The following CIMAP2 variants were observed in gnomAD, a reference collection of about 807,000 sequenced individuals.
The protein encoded by CIMAP2 is ciliary microtubule-associated protein 2.
the CIMAP2 span, among the ~76,000 whole-genome samples, chr1:54,823,409 G>T: frequency 6.6e-6 from 1 of 150,626 alleles, no homozygotes; most frequent in Admixed American, 6.6e-5. Flanking sequence ...CACTATTTTG[G>T]TTTCCATTTT....
the CIMAP2 span, among the ~76,000 whole-genome samples, chr1:54,815,512 C>A: frequency 3.8e-4 from 58 of 152,248 alleles, 1 homozygote; most frequent in Middle Eastern, 0.014. Flanking sequence ...GTGCATTTCC[C>A]GTCCCTCACT....
At chr1:54,835,039 G>T in the CIMAP2 span, among the ~76,000 whole-genome samples, 1 of 152,246 alleles carries the variant, frequency 6.6e-6, no homozygotes, top group South Asian at 2.1e-4. Flanking sequence ...GCTCCAGCAC[G>T]CATACTGCAT....
chr1:54,806,196 C>A, the CIMAP2 span: 1 of 1,546,210 alleles, frequency 6.5e-7, no homozygotes, highest in Non-Finnish European at 8.7e-7. Context: ...TTCACCGGGG[C>A]GCCCTTCGGG....
the CIMAP2 span, among the ~76,000 whole-genome samples, chr1:54,836,435 A>G: frequency 6.7e-6 from 1 of 150,344 alleles, no homozygotes; most frequent in African/African-American, 2.5e-5. Flanking sequence ...GGAGGGGGAG[A>G]TTCTCTTGTG....
At chr1:54,837,123 T>C in the CIMAP2 span, among the ~76,000 whole-genome samples, 1 of 151,934 alleles carries the variant, frequency 6.6e-6, no homozygotes. Flanking sequence ...GAGTCCTAGA[T>C]TGAGGTAGGG....
chr1:54,817,616 A>C, the CIMAP2 span, among the ~76,000 whole-genome samples: 1 of 152,208 alleles, frequency 6.6e-6, no homozygotes, highest in Non-Finnish European at 1.5e-5. Context: ...ACAGCTTGTA[A>C]ATGTTAGCTG....
chr1:54,835,991 C>T, the CIMAP2 span, among the ~76,000 whole-genome samples: 2 of 152,042 alleles, frequency 1.3e-5, no homozygotes, highest in East Asian at 3.9e-4. Context: ...TTTGATCACT[C>T]TCCTTTTACC....
chr1:54,815,498 G>A, the CIMAP2 span, among the ~76,000 whole-genome samples: 1 of 152,140 alleles, frequency 6.6e-6, no homozygotes, highest in Admixed American at 6.5e-5. Context: ...AGCTGGTGAA[G>A]CTGGTGCATT....
chr1:54,809,878 A>AG, the CIMAP2 span, among the ~76,000 whole-genome samples: 1 of 150,172 alleles, frequency 6.7e-6, no homozygotes, highest in African/African-American at 2.5e-5. Context: ...CCAGCCTGAA[A>AG]AAAAAACCCC....
the CIMAP2 span, chr1:54,806,148 A>G: frequency 6.5e-7 from 1 of 1,550,190 alleles, no homozygotes; most frequent in Non-Finnish European, 8.7e-7. Flanking sequence ...GCCGGAGCTC[A>G]TGGCTGGAAC....
the CIMAP2 span, among the ~76,000 whole-genome samples, chr1:54,826,646 C>T: frequency 6.6e-6 from 1 of 152,218 alleles, no homozygotes; most frequent in Admixed American, 6.5e-5. Flanking sequence ...TCAGGGCCTG[C>T]AAGGCCTGAG....
the CIMAP2 span, among the ~76,000 whole-genome samples, chr1:54,822,323 G>A: frequency 6.6e-6 from 1 of 150,814 alleles, no homozygotes; most frequent in African/African-American, 2.4e-5. Context: ...AGTCCTAGAT[G>A]TTTATTGATT....
chr1:54,807,139 G>C, the CIMAP2 span: 5 of 1,519,324 alleles, frequency 3.3e-6, no homozygotes, highest in Non-Finnish European at 4.6e-6. Flanking sequence ...CTGCCCCTTC[G>C]AGCTGCCTGC....
At chr1:54,807,962 C>T in the CIMAP2 span, 134 of 1,607,674 alleles carry the variant, frequency 8.3e-5, no homozygotes, top group African/African-American at 1.6e-3. Flanking sequence ...CCATGTAGCA[C>T]CCGGGGGCTG....
the CIMAP2 span, chr1:54,814,026 T>G: frequency 6.5e-7 from 1 of 1,539,068 alleles, no homozygotes. Context: ...CAGCTCTCCT[T>G]CCGGGGCTGG....
the CIMAP2 span, among the ~76,000 whole-genome samples, chr1:54,836,662 C>T: frequency 1.3e-5 from 2 of 152,020 alleles, no homozygotes; most frequent in African/African-American, 4.8e-5. Flanking sequence ...TGAAGGAGGG[C>T]TCAGCCAGGT....
the CIMAP2 span, among the ~76,000 whole-genome samples, chr1:54,808,400 T>A: frequency 6.6e-6 from 1 of 152,030 alleles, no homozygotes; most frequent in Non-Finnish European, 1.5e-5. Flanking sequence ...TTGCAATGTC[T>A]GGTACAGCAT....
the CIMAP2 span, among the ~76,000 whole-genome samples, chr1:54,831,031 G>T: frequency 2.0e-5 from 3 of 152,144 alleles, no homozygotes; most frequent in East Asian, 5.8e-4. Flanking sequence ...AAAGTGTGGT[G>T]AAATTTCTGG....
the CIMAP2 span, among the ~76,000 whole-genome samples, chr1:54,828,368 G>A: frequency 6.6e-6 from 1 of 152,130 alleles, no homozygotes; most frequent in African/African-American, 2.4e-5. Flanking sequence ...TCCAGGGCGG[G>A]GGTGCCACCC....
Sources: allele counts gnomAD v4.1 joint callset (sites outside exome capture counted in the v4.1 genomes callset), GRCh38; gene constraint gnomAD v4.1.1; transcripts MANE v1.5; gene names NCBI Gene and HGNC (gene_info 2026-07-23, HGNC 2026-07-21).